Variants in RGS12 observed in about 807,000 individuals in gnomAD.
RGS12 encodes the protein regulator of G protein signaling 12.
A neutral mutation model predicts 120.1 loss-of-function variants in RGS12; 66 were observed. That is an observed-to-expected ratio of 0.55 (90% CI 0.45 to 0.67). The LOEUF (loss-of-function observed/expected upper bound fraction) is 0.67, where lower values mean the gene tolerates loss of function less well. Ranked by LOEUF, RGS12 falls within the 30% of genes least tolerant of loss-of-function variation. The pLI is 0.00. For missense variants in RGS12, 1,859 were observed against 1,957.7 expected (o/e 0.95, Z 0.95); for synonymous variants, 827 against 804.7 (o/e 1.03, Z -0.47).
At chr4:3,363,800 C>T (rs6823100) in intron 3 of RGS12, among the ~76,000 whole-genome samples, 414 of 152,138 alleles carry the variant, frequency 2.7e-3, no homozygotes, top group African/African-American at 9.8e-3. Flanking sequence ...CAGACAGAAC[C>T]CCTGGGACCC....
chr4:3,309,377 C>T (rs1378668703), intron 1 of RGS12, among the ~76,000 whole-genome samples: 86 of 108,446 alleles, frequency 7.9e-4, no homozygotes, highest in African/African-American at 2.0e-3. Context: ...GGGAACCGTG[C>T]AGGGGAGGAG....
intron 6 of RGS12, 133 bp downstream of exon 6, chr4:3,414,977 G>A: frequency 1.6e-6 from 1 of 611,172 alleles, no homozygotes; most frequent in Non-Finnish European, 2.9e-6. Context: ...AGAGGGGCGT[G>A]TGAGAGGTTG....
intron 3 of RGS12, chr4:3,386,112 G>A (rs1718820450): frequency 9.0e-6 from 4 of 442,154 alleles, no homozygotes; most frequent in Non-Finnish European, 1.6e-5. Context: ...TGATGCTACT[G>A]AAGTTTGTGA....
chr4:3,431,237 C>A (rs1042825822), intron 17 of RGS12: 6 of 1,303,346 alleles, frequency 4.6e-6, no homozygotes, highest in Non-Finnish European at 5.8e-6. Flanking sequence ...GTGCCTGCAG[C>A]GAGGTCTGGG....
intron 1 of RGS12, chr4:3,314,199 G>C (rs566546358): frequency 4.0e-5 from 6 of 151,518 alleles, no homozygotes; most frequent in Non-Finnish European, 5.9e-5. Context: ...TACTAAGTAC[G>C]CATGTTCTGT....
intron 4 of RGS12, among the ~76,000 whole-genome samples, chr4:3,388,362 T>C (rs1005059289): frequency 6.6e-6 from 1 of 152,276 alleles, no homozygotes; most frequent in South Asian, 2.1e-4. Context: ...TTTTTCCATC[T>C]TCAGTTTCTT....
intron 3 of RGS12, among the ~76,000 whole-genome samples, chr4:3,354,996 A>G (rs1714726643): frequency 6.6e-6 from 1 of 152,256 alleles, no homozygotes. Context: ...GACAAAGGAC[A>G]TAAGAAAGGG....
At chr4:3,324,469 A>G in intron 2 of RGS12, 1 of 235,884 alleles carries the variant, frequency 4.2e-6, no homozygotes, top group Non-Finnish European at 8.4e-6. Context: ...TCTGGTTGGT[A>G]CTGTGGGCCA....
At chr4:3,306,374 G>A (rs1205152803) in intron 1 of RGS12, among the ~76,000 whole-genome samples, 1 of 152,228 alleles carries the variant, frequency 6.6e-6, no homozygotes, top group Non-Finnish European at 1.5e-5. Context: ...GTGTGGAGAC[G>A]AGGAGACGGA....
At chr4:3,329,599 C>T (rs1324037696) in intron 2 of RGS12, among the ~76,000 whole-genome samples, 3 of 142,786 alleles carry the variant, frequency 2.1e-5, no homozygotes, top group Non-Finnish European at 4.4e-5. Flanking sequence ...GGGAGGGGAA[C>T]AGTGCGGCGC....
chr4:3,429,692 C>A (rs1435598012), intron 16 of RGS12, among the ~76,000 whole-genome samples: 1 of 152,244 alleles, frequency 6.6e-6, no homozygotes, highest in African/African-American at 2.4e-5. Context: ...GAGGAGCCAG[C>A]CAAGAAGCTG....
chr4:3,343,414 G>A (rs1212065730), intron 3 of RGS12, among the ~76,000 whole-genome samples: 1 of 152,128 alleles, frequency 6.6e-6, no homozygotes, highest in East Asian at 1.9e-4. Flanking sequence ...ATTTTGTGTG[G>A]CTCGTCTATC....
chr4:3,363,121 G>A (rs547033874), intron 3 of RGS12, among the ~76,000 whole-genome samples: 13 of 151,312 alleles, frequency 8.6e-5, no homozygotes, highest in Middle Eastern at 3.4e-3. Flanking sequence ...GTGAGAGTGC[G>A]CATCAGTGAG....
At chr4:3,319,867 C>T (rs1725063817) in intron 2 of RGS12, among the ~76,000 whole-genome samples, 1 of 152,234 alleles carries the variant, frequency 6.6e-6, no homozygotes, top group South Asian at 2.1e-4. Flanking sequence ...CTGGGCCTCA[C>T]CTCACTTCTC....
chr4:3,439,090 G>T (rs1725075743), intron 17 of RGS12, among the ~76,000 whole-genome samples: 1 of 151,950 alleles, frequency 6.6e-6, no homozygotes, highest in Admixed American at 6.5e-5. Context: ...CTGGGCCTGG[G>T]GGGGCCCCTG....
intron 4 of RGS12, among the ~76,000 whole-genome samples, chr4:3,405,844 C>T (rs1030842689): frequency 7.9e-5 from 12 of 152,130 alleles, no homozygotes; most frequent in African/African-American, 2.7e-4. Context: ...TCTGGGCAAA[C>T]GGATATGGGA....
chr4:3,428,280 C>T (rs769636105), intron 15 of RGS12, 111 bp downstream of exon 15: 30 of 1,017,784 alleles, frequency 2.9e-5, no homozygotes, highest in Non-Finnish European at 4.7e-5. Flanking sequence ...CTGTGTGTCT[C>T]CCCCACGCTC....
chr4:3,390,563 C>A lies in RGS12; in HGVS notation c.2020+4126C>A, dbSNP rs1326676677. Among the ~76,000 whole-genome samples, 2 of 152,266 alleles carry A rather than the reference C, an allele frequency of 1.3e-5. No homozygotes were observed. Among genetic ancestry groups the A allele is most frequent in the Admixed American group, 1.3e-4 (2 of 15,286 alleles). On this transcript the variant is annotated intron_variant, in intron 4 of 17. Transcript: ENST00000336727. The surrounding 1 kb of genome is among the most constrained non-coding windows in gnomAD (Gnocchi z 4.6). ...CTGGTGTTGCGGGGTGGACCCACTGCCGCCGCCTCCTCCTGGGCTGCTCTG... is the reference window on the plus strand; with the variant it reads ...CTGGTGTTGCGGGGTGGACCCACTGACGCCGCCTCCTCCTGGGCTGCTCTG...
chr4:3,351,596 T>A (rs1387516684), intron 3 of RGS12, among the ~76,000 whole-genome samples: 1 of 152,182 alleles, frequency 6.6e-6, no homozygotes, highest in African/African-American at 2.4e-5. Flanking sequence ...GCAATGAGTT[T>A]ATCTTAATGC....
Sources: allele counts gnomAD v4.1 joint callset (sites outside exome capture counted in the v4.1 genomes callset), GRCh38; gene constraint gnomAD v4.1.1; non-coding constraint Gnocchi (gnomAD v3.1); transcripts MANE v1.5; gene names NCBI Gene and HGNC (gene_info 2026-07-23, HGNC 2026-07-21).